CASK: variants seen among roughly 807,000 people sequenced by gnomAD.
CASK encodes calcium/calmodulin dependent serine protein kinase.
In CASK, 4 loss-of-function variants were observed where a neutral mutation model predicts 82.9. That is an observed-to-expected ratio of 0.05 (90% CI 0.02 to 0.11). The LOEUF is 0.11. Among genes scored for constraint, CASK ranks in the 10% least tolerant of loss-of-function variants. CASK has a pLI of 1.00. For missense variants in CASK, 358 were observed against 720.9 expected (o/e 0.50, Z 5.76); for synonymous variants, 259 against 253.5 (o/e 1.02, Z -0.20).
intron 14 of CASK, 117 bp downstream of exon 14, chrX:41,586,790 C>A (rs938394052): frequency 2.8e-5 from 14 of 504,541 alleles, no homozygotes; most frequent in Admixed American, 1.8e-4. Context: ...TCTTAATAGT[C>A]TCATATGATA....
chrX:41,807,999 G>A (rs1334475996), intron 2 of CASK, among the ~76,000 whole-genome samples: 2 of 111,458 alleles, frequency 1.8e-5, no homozygotes, highest in South Asian at 3.8e-4. Context: ...GGGATTACAG[G>A]TGTCTGCCAC....
At chrX:41,812,756 G>A (rs1330791285) in intron 2 of CASK, among the ~76,000 whole-genome samples, 1 of 111,494 alleles carries the variant, frequency 9.0e-6, no homozygotes, top group African/African-American at 3.3e-5. Flanking sequence ...TCAGGCAGGA[G>A]AAAGAAATAA....
chrX:41,892,917 G>C (rs745901911), intron 1 of CASK, among the ~76,000 whole-genome samples: 16 of 111,994 alleles, frequency 1.4e-4, no homozygotes, highest in Non-Finnish European at 2.6e-4. Flanking sequence ...ATTCAGGTTA[G>C]AGCCTGTTGG....
chrX:41,570,713 GTTT>G (rs755969097), intron 15 of CASK, among the ~76,000 whole-genome samples: 16 of 111,683 alleles, frequency 1.4e-4, no homozygotes, highest in South Asian at 7.5e-4. Flanking sequence ...CTTTTTTGTT[GTTT>G]TTTTCACTCA....
intron 8 of CASK, among the ~76,000 whole-genome samples, chrX:41,658,293 C>G (rs1007466971): frequency 4.4e-5 from 5 of 112,370 alleles, no homozygotes; most frequent in African/African-American, 1.6e-4. Flanking sequence ...GCTGTGGTGT[C>G]CCCAATTTGT....
At chrX:41,649,840 T>A (rs1235373934) in intron 8 of CASK, among the ~76,000 whole-genome samples, 1 of 111,371 alleles carries the variant, frequency 9.0e-6, no homozygotes, top group Admixed American at 9.6e-5. Flanking sequence ...TGTCTGATAT[T>A]GACAGTGGGG....
chrX:41,560,555 C>T (rs908979507), intron 17 of CASK, among the ~76,000 whole-genome samples: 13 of 107,660 alleles, frequency 1.2e-4, no homozygotes, highest in African/African-American at 4.4e-4. Context: ...TGAGCCACCG[C>T]ACCCAGCCAC....
chrX:41,704,027 C>G (rs996942939), intron 5 of CASK, among the ~76,000 whole-genome samples: 1 of 110,476 alleles, frequency 9.1e-6, no homozygotes, highest in African/African-American at 3.3e-5. Flanking sequence ...CATATCTATA[C>G]CCCTCCCCCT....
At chrX:41,534,528 T>C (rs978645326) in intron 24 of CASK, among the ~76,000 whole-genome samples, 178 bp downstream of exon 24, 2 of 110,768 alleles carry the variant, frequency 1.8e-5, no homozygotes, top group Non-Finnish European at 1.9e-5. Flanking sequence ...GCACTTATTA[T>C]AGGGAAAGAG....
intron 1 of CASK, among the ~76,000 whole-genome samples, chrX:41,854,224 GCACACACACACACACACACA>G (rs4007745): frequency 2.4e-5 from 2 of 81,717 alleles, no homozygotes; most frequent in African/African-American, 9.2e-5. Context: ...GCGGGCGCGC[GCACACACACACACACACACA>G]CACACACACA....
intron 11 of CASK, among the ~76,000 whole-genome samples, chrX:41,615,301 GC>G (rs917632674): frequency 2.7e-5 from 3 of 109,440 alleles, no homozygotes; most frequent in African/African-American, 1.0e-4. Flanking sequence ...TGTTCAGAGT[GC>G]CCCCCCCTCC....
chrX:41,837,626 T>C (rs151048049), intron 2 of CASK, among the ~76,000 whole-genome samples: 1,163 of 112,280 alleles, frequency 0.01, 16 homozygotes, highest in African/African-American at 0.036. Context: ...TTTAACGAAG[T>C]AGAATTTCTT....
At chrX:41,745,299 A>G (rs1440891905) in intron 4 of CASK, among the ~76,000 whole-genome samples, 1 of 111,907 alleles carries the variant, frequency 8.9e-6, no homozygotes, top group African/African-American at 3.2e-5. Flanking sequence ...TACAGGCGTG[A>G]GCCACCGTGC....
At position 41,531,056 on chromosome X, in the gene CASK, C is replaced by T. The variant is rs138646715; in HGVS notation, c.2471G>A (p.Arg824Gln). 1.7e-5 allele frequency: 20 copies of T among 1,210,037 alleles called. No individual in the cohort carries two copies. The South Asian group carries it at 1.9e-4, about 12-fold the overall frequency. ...AMYGTKLETIRKIHEQGLIAI... is the reference protein window; with the variant it reads ...AMYGTKLETIQKIHEQGLIAI... ...AATCAGCCCCTGCTCGTGGATCTTC[C>T]GGATGGTCTCCAGTTTTGTCCCATA... Residue 824 changes from arginine to glutamine, a missense_variant, in exon 25 of 27, where the codon CGG (arginine) becomes CAG (glutamine). Transcript: ENST00000378163.
chrX:41,765,423 T>C (rs1343421935), intron 3 of CASK, among the ~76,000 whole-genome samples: 1 of 112,246 alleles, frequency 8.9e-6, no homozygotes, highest in Non-Finnish European at 1.9e-5. Context: ...TTAGCAACAG[T>C]ATGAAATAAC....
At chrX:41,792,374 T>C (rs968062919) in intron 2 of CASK, among the ~76,000 whole-genome samples, 4 of 107,629 alleles carry the variant, frequency 3.7e-5, no homozygotes, top group Admixed American at 2.0e-4. Flanking sequence ...CACTGTAACC[T>C]TGAACTCCTG....
intron 2 of CASK, among the ~76,000 whole-genome samples, chrX:41,809,612 A>C (rs2070224962): frequency 8.9e-6 from 1 of 111,990 alleles, no homozygotes; most frequent in African/African-American, 3.2e-5. Context: ...CAAAGACCAA[A>C]GGTAGATAAA....
intron 6 of CASK, among the ~76,000 whole-genome samples, chrX:41,670,815 G>A (rs1249769920): frequency 9.0e-6 from 1 of 111,453 alleles, no homozygotes; most frequent in African/African-American, 3.3e-5. Context: ...GATGGTCTAT[G>A]TTGTTACTGC....
chrX:41,725,386 C>CT (rs1481221345), intron 5 of CASK, among the ~76,000 whole-genome samples: 30 of 110,884 alleles, frequency 2.7e-4, no homozygotes, highest in African/African-American at 9.5e-4. Flanking sequence ...CCCTGAGGGG[C>CT]TGGGGGGATA....
Sources: gnomAD v4.1 joint callset for allele counts (sites outside exome capture counted in the v4.1 genomes callset) on GRCh38, gnomAD v4.1.1 for gene constraint, MANE v1.5 for transcripts, NCBI Gene and HGNC (gene_info 2026-07-23, HGNC 2026-07-21) for gene names.